Variants in RBFOX1 observed in about 807,000 individuals in gnomAD.
RBFOX1 encodes RNA binding protein fox-1 homolog 1.
Under a neutral mutation model 57.7 loss-of-function variants are expected in RBFOX1, and 8 were observed. That is an observed-to-expected ratio of 0.14 (90% CI 0.08 to 0.25). The LOEUF (loss-of-function observed/expected upper bound fraction) is 0.25, where lower values mean the gene tolerates loss of function less well. RBFOX1 is among the 10% of genes least tolerant of loss of function. The probability of loss-of-function intolerance (pLI) is 1.00; values close to 1 mark genes in which losing one functional copy is unlikely to be tolerated. For missense variants in RBFOX1, 611 were observed against 548.5 expected (o/e 1.11, Z -1.14); for synonymous variants, 326 against 222.4 (o/e 1.47, Z -4.15).
intron 2 of RBFOX1, among the ~76,000 whole-genome samples, chr16:6,472,428 A>T (rs1333957311): frequency 6.6e-6 from 1 of 151,958 alleles, no homozygotes. Context: ...TGTTGACCCT[A>T]TTTCTGCACT....
chr16:5,503,508 A>G (rs995604347), intron 2 of RBFOX1, among the ~76,000 whole-genome samples: 8 of 152,210 alleles, frequency 5.3e-5, no homozygotes, highest in African/African-American at 1.7e-4. Flanking sequence ...GCATGGCGCA[A>G]TCACGGCTCA....
chr16:6,945,185 A>G (rs567498416), intron 3 of RBFOX1, among the ~76,000 whole-genome samples: 73 of 152,246 alleles, frequency 4.8e-4, no homozygotes, highest in African/African-American at 1.7e-3. Flanking sequence ...GTGACCTCAG[A>G]CTGCTTAGGA....
At chr16:6,585,227 T>A (rs1248321183) in intron 2 of RBFOX1, among the ~76,000 whole-genome samples, 1 of 152,174 alleles carries the variant, frequency 6.6e-6, no homozygotes, top group African/African-American at 2.4e-5. Context: ...TAGATAACTA[T>A]CATCTTTCCT....
At position 6,486,082 on chromosome 16, in the gene RBFOX1, C is replaced by CTTTTTTT. The variant is rs71145234; in HGVS notation, c.-63-168502_-63-168496dup. Among the ~76,000 whole-genome samples, 58 of 62,960 alleles carry CTTTTTTT rather than the reference C, an allele frequency of 9.2e-4. 1 individual carries two copies. The highest frequency in any genetic ancestry group is 1.4e-3 in the African/African-American group (20 of 14,338). The allele number at this position is 62,960 out of a possible 152,430, so 41.3% of individuals were successfully genotyped here. On this transcript the variant is annotated intron_variant, in intron 2 of 15. Transcript: ENST00000550418. ...AGTTGAAGGAGATCTCAGTAAAAGGCTTTTTTTTTTTTTTTTTTTTTTTTT... is the reference window on the plus strand; with the variant it reads ...AGTTGAAGGAGATCTCAGTAAAAGGCTTTTTTTTTTTTTTTTTTTTTTTTTTTTTTTT...
At position 5,524,280 on chromosome 16, in the gene RBFOX1, T is replaced by C. The variant is rs1158887457; in HGVS notation, c.258+57026T>C. Among the ~76,000 whole-genome samples the C allele has an allele frequency of 2.0e-5, 3 of 152,302 alleles. No individual in the cohort carries two copies. In the East Asian group the frequency reaches 5.8e-4, roughly 29 times the overall value. On this transcript the variant is annotated intron_variant, in intron 2 of 2. Transcript: ENST00000585867. ...TGGACATATTTCCGTGCTGTGTTAC[T>C]GGAAGGAAACCATGCTCTGAAACTT...
intron 1 of RBFOX1, among the ~76,000 whole-genome samples, chr16:6,072,366 G>A (rs1481916568): frequency 6.6e-6 from 1 of 152,114 alleles, no homozygotes; most frequent in Non-Finnish European, 1.5e-5. Context: ...GGACACTTAG[G>A]TGGCTTCCAT....
intron 3 of RBFOX1, among the ~76,000 whole-genome samples, chr16:6,863,423 C>G (rs544680351): frequency 1.3e-5 from 2 of 151,928 alleles, no homozygotes; most frequent in East Asian, 3.9e-4. Context: ...TAGAAAAGGC[C>G]CATAATGGAA....
At chr16:7,570,446 T>C (rs1383094142) in intron 5 of RBFOX1, among the ~76,000 whole-genome samples, 4 of 152,212 alleles carry the variant, frequency 2.6e-5, no homozygotes, top group Admixed American at 2.6e-4. Flanking sequence ...CATGGTGGTA[T>C]CATCTACCAC....
At chr16:6,665,660 C>G (rs73529881) in intron 3 of RBFOX1, among the ~76,000 whole-genome samples, 1 of 150,584 alleles carries the variant, frequency 6.6e-6, no homozygotes, top group Non-Finnish European at 1.5e-5. Context: ...GGAGTGTCAC[C>G]TAATGAAACC....
intron 4 of RBFOX1, among the ~76,000 whole-genome samples, chr16:7,064,941 C>T (rs369863875): frequency 2.0e-5 from 3 of 152,164 alleles, no homozygotes. Context: ...ATAGTGGACT[C>T]CCTTGGGGGA....
intron 4 of RBFOX1, among the ~76,000 whole-genome samples, chr16:7,287,817 G>A (rs985116006): frequency 6.6e-6 from 1 of 152,088 alleles, no homozygotes; most frequent in Non-Finnish European, 1.5e-5. Context: ...CATATATGGG[G>A]TATTACCCAA....
chr16:7,656,777 A>T (rs922014971), intron 12 of RBFOX1, among the ~76,000 whole-genome samples: 6 of 152,174 alleles, frequency 3.9e-5, no homozygotes, highest in Non-Finnish European at 7.3e-5. Flanking sequence ...ATACAAGCCA[A>T]CAATTTCAAT....
chr16:7,543,851 G>A (rs939706764), intron 5 of RBFOX1, among the ~76,000 whole-genome samples: 2 of 151,944 alleles, frequency 1.3e-5, no homozygotes, highest in Non-Finnish European at 2.9e-5. Context: ...CTCCCGAGTA[G>A]CTGGGATTAT....
At chr16:5,768,427 C>T (rs1054126291) in intron 3 of RBFOX1, among the ~76,000 whole-genome samples, 2 of 152,134 alleles carry the variant, frequency 1.3e-5, no homozygotes, top group Non-Finnish European at 2.9e-5. Flanking sequence ...TGTTTAGACC[C>T]CCTTAAAATA....
intron 2 of RBFOX1, among the ~76,000 whole-genome samples, chr16:6,461,237 G>A (rs1201685957): frequency 1.3e-5 from 2 of 152,056 alleles, no homozygotes; most frequent in African/African-American, 4.8e-5. Context: ...CACACATCCT[G>A]CACATGTATC....
chr16:5,501,267 G>A (rs1039499263), intron 2 of RBFOX1, among the ~76,000 whole-genome samples: 4 of 127,020 alleles, frequency 3.1e-5, no homozygotes, highest in Admixed American at 9.4e-5. Context: ...GCAGTGAGTT[G>A]AGATTGCTCC....
At chr16:7,118,216 A>G (rs1158305024) in intron 4 of RBFOX1, among the ~76,000 whole-genome samples, 1 of 152,156 alleles carries the variant, frequency 6.6e-6, no homozygotes, top group Non-Finnish European at 1.5e-5. Context: ...GCAGCATATA[A>G]GAGTCCCCAT....
chr16:5,714,337 T>C (rs8063766), intron 3 of RBFOX1, among the ~76,000 whole-genome samples: 17,808 of 152,198 alleles, frequency 0.12, 3,477 homozygotes, highest in African/African-American at 0.4. Context: ...TCTTCACCCA[T>C]TGCCTTGAAC....
chr16:5,937,935 G>A (rs1024220250), intron 4 of RBFOX1, among the ~76,000 whole-genome samples: 4 of 151,900 alleles, frequency 2.6e-5, no homozygotes, highest in African/African-American at 9.7e-5. Context: ...TCAAATATAT[G>A]TTACAACAGG....
Sources: gnomAD v4.1 joint callset for allele counts (sites outside exome capture counted in the v4.1 genomes callset) on GRCh38, gnomAD v4.1.1 for gene constraint, MANE v1.5 for transcripts, NCBI Gene and HGNC (gene_info 2026-07-23, HGNC 2026-07-21) for gene names.